IL20RA: variants seen among roughly 807,000 people sequenced by gnomAD.
IL20RA encodes the protein interleukin-20 receptor subunit alpha.
Under a neutral mutation model 36.5 loss-of-function variants are expected in IL20RA, and 29 were observed. The observed-to-expected ratio is 0.79, with a 90% CI of 0.59 to 1.08. The LOEUF (loss-of-function observed/expected upper bound fraction) is 1.08. Among genes scored for constraint, IL20RA ranks in the 50% least tolerant of loss-of-function variants. The probability of loss-of-function intolerance (pLI) is 0.00; values close to 1 mark genes in which losing one functional copy is unlikely to be tolerated. For synonymous variants in IL20RA, 279 were observed against 267.1 expected (o/e 1.04, Z -0.43); for missense variants, 652 against 668.4 (o/e 0.98, Z 0.27).
intron 2 of IL20RA, among the ~76,000 whole-genome samples, chr6:137,012,884 A>G (rs976324720): frequency 6.6e-6 from 1 of 152,200 alleles, no homozygotes; most frequent in African/African-American, 2.4e-5. Flanking sequence ...CCTAAGTACC[A>G]TACCTACCAA....
intron 1 of IL20RA, among the ~76,000 whole-genome samples, chr6:137,032,763 A>G (rs545257501): frequency 1.1e-4 from 17 of 152,364 alleles, no homozygotes; most frequent in African/African-American, 4.1e-4. Context: ...CATCAAGAAC[A>G]CTATCAGAAT....
chr6:137,022,355 G>A (rs1775933919), intron 1 of IL20RA, among the ~76,000 whole-genome samples: 1 of 152,180 alleles, frequency 6.6e-6, no homozygotes, highest in African/African-American at 2.4e-5. Flanking sequence ...CTAGAAGATT[G>A]TGTTGGACTC....
chr6:137,003,044 G>T (rs750213006), intron 6 of IL20RA, among the ~76,000 whole-genome samples: 19 of 152,170 alleles, frequency 1.2e-4, no homozygotes, highest in Non-Finnish European at 2.5e-4. Flanking sequence ...TTATCTAAGA[G>T]AGCATGAGTT....
At chr6:137,042,047 A>C (rs549412540) in intron 1 of IL20RA, among the ~76,000 whole-genome samples, 265 of 152,142 alleles carry the variant, frequency 1.7e-3, no homozygotes, top group Non-Finnish European at 2.4e-3. Context: ...CCTAGGGAAG[A>C]CCTTCTTGAG....
chr6:137,038,221 T>TTTC (rs1776559030), intron 1 of IL20RA: 1 of 134,694 alleles, frequency 7.4e-6, no homozygotes, highest in African/African-American at 3.0e-5. Flanking sequence ...TTTTTTTTTT[T>TTTC]TTTTTTTTTT....
intron 5 of IL20RA, among the ~76,000 whole-genome samples, chr6:137,007,364 G>A (rs538068618): frequency 1.7e-4 from 26 of 152,264 alleles, no homozygotes; most frequent in Middle Eastern, 3.4e-3. Flanking sequence ...CTTTACTTTC[G>A]GACAGTTTCA....
intron 6 of IL20RA, among the ~76,000 whole-genome samples, chr6:137,004,232 G>A (rs1343596548): frequency 1.4e-5 from 2 of 139,656 alleles, no homozygotes; most frequent in Non-Finnish European, 3.0e-5. Context: ...CTGGAGTGTA[G>A]TGGCACAGTC....
chr6:137,040,099 T>C (rs1776633501), intron 1 of IL20RA, among the ~76,000 whole-genome samples: 1 of 152,154 alleles, frequency 6.6e-6, no homozygotes, highest in African/African-American at 2.4e-5. Flanking sequence ...TTAGCAATCC[T>C]GAAAATATTT....
chr6:137,002,196 G>A lies in IL20RA; in HGVS notation c.1024C>T (p.Pro342Ser). 1.9e-6 allele frequency: 3 copies of A among 1,614,042 alleles called. No individual in the cohort carries two copies. Among genetic ancestry groups the A allele is most frequent in the East Asian group, 2.2e-5 (1 of 44,872 alleles). Residue 342 changes from proline (P) to serine (S), a missense_variant, in exon 7 of 7, where the codon CCT becomes TCT. Transcript: ENST00000316649. ...GGCCTCAGGTTCCCGCTGGGCTGAG[G>A]ATCATTAAGGCTGGATACATCACTG... ...KSSDVSSLND[P>S]QPSGNLRPPQ...
At chr6:137,015,247 C>G (rs1278178494) in intron 2 of IL20RA, among the ~76,000 whole-genome samples, 1 of 152,140 alleles carries the variant, frequency 6.6e-6, no homozygotes, top group African/African-American at 2.4e-5. Context: ...ATTACTATCA[C>G]TTAGCTCTAA....
Position 137,008,760 on chromosome 6 carries a change from C to A in IL20RA, c.580-17G>T, listed in dbSNP as rs777907105. 6.4e-6 allele frequency: 10 copies of A among 1,554,534 alleles called. No individual in the cohort carries two copies. In the South Asian group the frequency reaches 7.6e-5, roughly 12 times the overall value. ...CTGGGACCACTAGGATAGGGAATTG[C>A]AAACATTGGTTAGAGCCAGACATTT... is the stretch of plus-strand genomic sequence containing the variant. On this transcript the variant is annotated splice_polypyrimidine_tract_variant and intron_variant, in intron 4 of 6. Coordinates refer to ENST00000316649, the MANE Select transcript of IL20RA (RefSeq NM_014432.4).
chr6:137,014,640 T>TA (rs1775614501), intron 2 of IL20RA, among the ~76,000 whole-genome samples: 1 of 152,168 alleles, frequency 6.6e-6, no homozygotes, highest in Non-Finnish European at 1.5e-5. Flanking sequence ...AATAATAAAA[T>TA]ATTGTCATTT....
At chr6:137,036,767 G>A (rs919179572) in intron 1 of IL20RA, among the ~76,000 whole-genome samples, 1 of 152,204 alleles carries the variant, frequency 6.6e-6, no homozygotes, top group African/African-American at 2.4e-5. Flanking sequence ...CCCAGTTTGT[G>A]GCACTTTGCC....
rs181310560 is a variant in IL20RA, at chr6:137,037,562, T to C, written c.88+7079A>G. Among the ~76,000 whole-genome samples, 39 of 152,314 alleles carry C rather than the reference T, an allele frequency of 2.6e-4. 1 individual carries two copies. Among genetic ancestry groups the C allele is most frequent in the Admixed American group, 2.2e-3 (34 of 15,300 alleles). On this transcript the variant is annotated intron_variant, in intron 1 of 6. Coordinates refer to ENST00000316649, the MANE Select transcript of IL20RA (RefSeq NM_014432.4). ...GACAACAAAGATAAGAAAGGAGGGCTCCTTTTAGACATCAGAGGCCTGTGT... is the reference window on the plus strand; with the variant it reads ...GACAACAAAGATAAGAAAGGAGGGCCCCTTTTAGACATCAGAGGCCTGTGT...
chr6:137,009,682 T>G (rs1775411081), intron 3 of IL20RA, among the ~76,000 whole-genome samples, 190 bp from the exon 4 acceptor site: 1 of 133,070 alleles, frequency 7.5e-6, no homozygotes, highest in Non-Finnish European at 1.5e-5. Flanking sequence ...CTCGGCTCAC[T>G]GCAACCTCCA....
rs758421998 is a variant in IL20RA at position 137,004,781 on chromosome 6, G to C, written c.725-21C>G. 2.6e-6 allele frequency: 4 copies of C among 1,553,340 alleles called. No individual in the cohort carries two copies. The South Asian group carries it at 4.8e-5, about 19-fold the overall frequency. On this transcript the variant is annotated intron_variant, in intron 5 of 6. Transcript: ENST00000316649. ...TTGATCTGTAAAAAAAAAAAAAAAG[G>C]TGGGAATTCGGGGGAAGGGATTAGA... is the stretch of plus-strand genomic sequence containing the variant.
chr6:137,013,897 G>A (rs1436559656), intron 2 of IL20RA, among the ~76,000 whole-genome samples: 1 of 152,172 alleles, frequency 6.6e-6, no homozygotes, highest in African/African-American at 2.4e-5. Context: ...AACATCGCAA[G>A]CTTCTTTTTA....
chr6:137,025,954 A>T (rs1776070708), intron 1 of IL20RA, among the ~76,000 whole-genome samples: 1 of 152,210 alleles, frequency 6.6e-6, no homozygotes, highest in Non-Finnish European at 1.5e-5. Flanking sequence ...GGTTAACCCA[A>T]CCTCTCTTTT....
intron 4 of IL20RA, 122 bp from the exon 5 acceptor site, chr6:137,008,865 CT>C (rs3041890): frequency 0.073 from 10,295 of 141,294 alleles, 292 homozygotes; most frequent in African/African-American, 0.19. Flanking sequence ...TCAGTATAAG[CT>C]TTTTTTTTTT....
Sources: gnomAD v4.1 joint callset for allele counts (sites outside exome capture counted in the v4.1 genomes callset) on GRCh38, gnomAD v4.1.1 for gene constraint, MANE v1.5 for transcripts, NCBI Gene and HGNC (gene_info 2026-07-23, HGNC 2026-07-21) for gene names.